The following STK40 variants were observed in gnomAD, a reference collection of about 807,000 sequenced individuals.
The protein encoded by STK40 is serine/threonine kinase 40.
Under a neutral mutation model 47.9 loss-of-function variants are expected in STK40, and 13 were observed. The ratio of observed to expected loss-of-function variants is 0.27; its 90% CI spans 0.18 to 0.43. The LOEUF (loss-of-function observed/expected upper bound fraction) is 0.43. Among genes scored for constraint, STK40 ranks in the 20% least tolerant of loss-of-function variants. The probability of loss-of-function intolerance (pLI) is 1.00; values close to 1 mark genes in which losing one functional copy is unlikely to be tolerated. For missense variants in STK40, 460 were observed against 595.1 expected, an observed-to-expected ratio of 0.77 and a Z score of 2.36; for synonymous variants, 225 against 243.2, an observed-to-expected ratio of 0.93 and a Z score of 0.69.
chr1:36,378,007 G>A (rs901636291), intron 1 of STK40, among the ~76,000 whole-genome samples: 2 of 152,234 alleles, frequency 1.3e-5, no homozygotes, highest in African/African-American at 2.4e-5. Flanking sequence ...TTGGAGACAG[G>A]AAGTGACTTG....
At chr1:36,371,548 G>A (rs1336963527) in intron 1 of STK40, among the ~76,000 whole-genome samples, 2 of 151,486 alleles carry the variant, frequency 1.3e-5, no homozygotes, top group East Asian at 3.9e-4. Context: ...GACAGAGCGA[G>A]ACTCCATCTC....
intron 9 of STK40, 56 bp from the exon 10 acceptor site, chr1:36,343,504 C>T (rs1383046634): frequency 1.3e-6 from 2 of 1,524,548 alleles, no homozygotes; most frequent in Non-Finnish European, 1.8e-6. Flanking sequence ...CCATTGATCC[C>T]AGACTTAACT....
chr1:36,345,484 G>A (rs1436816944), intron 7 of STK40, among the ~76,000 whole-genome samples: 1 of 152,188 alleles, frequency 6.6e-6, no homozygotes, highest in African/African-American at 2.4e-5. Flanking sequence ...TGTGGAAGAT[G>A]AGCTTCTCCC....
chr1:36,375,415 G>A (rs1646983144), intron 1 of STK40, among the ~76,000 whole-genome samples: 1 of 151,940 alleles, frequency 6.6e-6, no homozygotes, highest in Admixed American at 6.6e-5. Context: ...GCTGAGGCAG[G>A]AGAATCGCTT....
intron 1 of STK40, among the ~76,000 whole-genome samples, chr1:36,364,500 C>T (rs975965176): frequency 6.6e-6 from 1 of 152,160 alleles, no homozygotes; most frequent in African/African-American, 2.4e-5. Context: ...GTTTCATATG[C>T]TTACTGGCTG....
At chr1:36,372,423 C>CAAAAAAAAAAAAAAAAAA (rs796595993) in intron 1 of STK40, among the ~76,000 whole-genome samples, 1 of 39,608 alleles carries the variant, frequency 2.5e-5, no homozygotes, top group African/African-American at 7.3e-5. Context: ...GACCTTGTCT[C>CAAAAAAAAAAAAAAAAAA]AAAAAAAAAA....
chr1:36,361,998 C>T (rs1197167405), intron 1 of STK40, among the ~76,000 whole-genome samples: 1 of 152,128 alleles, frequency 6.6e-6, no homozygotes, highest in Admixed American at 6.5e-5. Flanking sequence ...TTTCTCTTCC[C>T]TCATAAACTC....
intron 6 of STK40, among the ~76,000 whole-genome samples, chr1:36,351,937 G>A (rs1469137795): frequency 6.6e-6 from 1 of 152,222 alleles, no homozygotes; most frequent in African/African-American, 2.4e-5. Flanking sequence ...CATGGGCTCT[G>A]CAGCCAGATG....
chr1:36,358,421 C>T (rs370643982), intron 3 of STK40, 39 bp from the exon 4 acceptor site: 117 of 1,571,996 alleles, frequency 7.4e-5, no homozygotes, highest in Non-Finnish European at 9.9e-5. Flanking sequence ...AACCAGAACA[C>T]CTCACTTTAC....
chr1:36,385,336 C>T (rs1647076126), intron 1 of STK40, among the ~76,000 whole-genome samples: 1 of 139,394 alleles, frequency 7.2e-6, no homozygotes, highest in South Asian at 2.1e-4. Context: ...GGGACTCGTT[C>T]TAACTATCAA....
chr1:36,345,991 A>ATTTTTT (rs143130232), intron 7 of STK40, among the ~76,000 whole-genome samples: 7 of 26,462 alleles, frequency 2.6e-4, no homozygotes, highest in East Asian at 1.5e-3. Context: ...ATATATATAT[A>ATTTTTT]TTTTTTTTTT....
intron 7 of STK40, among the ~76,000 whole-genome samples, chr1:36,345,985 A>ATTTTTTTTTTTTTT (rs1383008702): frequency 1.0e-4 from 1 of 9,808 alleles, no homozygotes; most frequent in Non-Finnish European, 3.6e-4. Context: ...ATATATATAT[A>ATTTTTTTTTTTTTT]TATATATTTT....
intron 1 of STK40, among the ~76,000 whole-genome samples, chr1:36,368,526 A>G (rs1422248409): frequency 1.3e-5 from 2 of 152,226 alleles, no homozygotes; most frequent in African/African-American, 4.8e-5. Flanking sequence ...TGCTAGGATT[A>G]CAGGCGTGAG....
At chr1:36,383,084 G>A in intron 1 of STK40, among the ~76,000 whole-genome samples, 1 of 152,184 alleles carries the variant, frequency 6.6e-6, no homozygotes, top group East Asian at 1.9e-4. Flanking sequence ...GAGTAGCTGG[G>A]ATTACAAGCA....
chr1:36,351,756 G>A (rs1437789632), intron 6 of STK40, among the ~76,000 whole-genome samples: 1 of 152,216 alleles, frequency 6.6e-6, no homozygotes, highest in African/African-American at 2.4e-5. Context: ...GGGGCCCTGG[G>A]GAAGTGAGAG....
At chr1:36,374,553 C>T (rs892165641) in intron 1 of STK40, among the ~76,000 whole-genome samples, 1 of 152,230 alleles carries the variant, frequency 6.6e-6, no homozygotes, top group African/African-American at 2.4e-5. Context: ...GCTCTCCCCT[C>T]CCAAGGGCCT....
chr1:36,348,695 C>T lies in STK40; in HGVS notation c.739+5G>A, dbSNP rs772031083. On this transcript the variant is annotated splice_donor_5th_base_variant and intron_variant, in intron 7 of 10. Transcript: ENST00000373132. ...AGAGGCCCAATGTCTGGCACACACA[C>T]GTACCGCTGAGCACGTCGGGACTGA... 25 of 1,598,558 alleles carry T rather than the reference C, an allele frequency of 1.6e-5. No individual in the cohort carries two copies. Among genetic ancestry groups the T allele is most frequent in the Admixed American group, 3.4e-5 (2 of 58,346 alleles).
At chr1:36,354,706 C>T (rs1305292502) in intron 5 of STK40, among the ~76,000 whole-genome samples, 1 of 152,094 alleles carries the variant, frequency 6.6e-6, no homozygotes, top group Non-Finnish European at 1.5e-5. Flanking sequence ...TCATTTTTTC[C>T]CCTCCATTAG....
At chr1:36,359,449 G>T (rs1357881787) in intron 2 of STK40, among the ~76,000 whole-genome samples, 1 of 152,142 alleles carries the variant, frequency 6.6e-6, no homozygotes, top group Non-Finnish European at 1.5e-5. Flanking sequence ...CCCCTGAAGA[G>T]CAACTTCAGG....
Sources: gnomAD v4.1 joint callset for allele counts (sites outside exome capture counted in the v4.1 genomes callset) on GRCh38, gnomAD v4.1.1 for gene constraint, MANE v1.5 for transcripts, NCBI Gene and HGNC (gene_info 2026-07-23, HGNC 2026-07-21) for gene names.